The following GPR137B variants were observed in gnomAD, a reference collection of about 807,000 sequenced individuals.
GPR137B encodes the protein G protein-coupled receptor 137B.
A neutral mutation model predicts 42.5 loss-of-function variants in GPR137B; 42 were observed. The observed-to-expected ratio is 0.99, with a 90% confidence interval of 0.77 to 1.28. GPR137B has a LOEUF of 1.28. Among genes scored for constraint, GPR137B ranks in the 50% most tolerant of loss-of-function variants. GPR137B has a pLI of 0.00. For missense variants in GPR137B, 487 were observed against 493.9 expected (o/e 0.99, Z 0.13); for synonymous variants, 218 against 209.7 (o/e 1.04, Z -0.34).
At chr1:236,204,239 G>A (rs1417367411) in intron 5 of GPR137B, among the ~76,000 whole-genome samples, 1 of 152,128 alleles carries the variant, frequency 6.6e-6, no homozygotes, top group Non-Finnish European at 1.5e-5. Flanking sequence ...AGCCATCCTT[G>A]TATCACATGG....
chr1:236,147,179 C>T (rs1006055851), intron 1 of GPR137B, among the ~76,000 whole-genome samples: 2 of 152,220 alleles, frequency 1.3e-5, no homozygotes, highest in South Asian at 4.1e-4. Context: ...AGCCAGGCTT[C>T]GAGCTGCAGG....
Position 236,168,769 on chromosome 1 carries a change from G to A in GPR137B, c.464+14G>A. 1 of 1,573,574 alleles carries A rather than the reference G, an allele frequency of 6.4e-7. No homozygotes were observed. Among genetic ancestry groups the A allele is most frequent in the South Asian group, 1.1e-5 (1 of 90,252 alleles). On this transcript the variant is annotated intron_variant, in intron 2 of 6. Coordinates refer to ENST00000366592, the MANE Select transcript of GPR137B (RefSeq NM_003272.4). ...ACTCAAATACCGGTAAGTACTGCAGGGCATCTCTTTCTGTGGTAGAAGGGG... is the reference window on the plus strand; with the variant it reads ...ACTCAAATACCGGTAAGTACTGCAGAGCATCTCTTTCTGTGGTAGAAGGGG...
chr1:236,149,802 C>T (rs1049164226), intron 1 of GPR137B, among the ~76,000 whole-genome samples: 3 of 152,406 alleles, frequency 2.0e-5, no homozygotes, highest in Admixed American at 2.0e-4. Context: ...GGAGCTAGCT[C>T]AGTGGGCTCA....
At chr1:236,167,300 T>G (rs1662388884) in intron 1 of GPR137B, among the ~76,000 whole-genome samples, 1 of 152,224 alleles carries the variant, frequency 6.6e-6, no homozygotes, top group African/African-American at 2.4e-5. Flanking sequence ...TTAGCAAATT[T>G]CGAGTAAACA....
chr1:236,205,152 T>C lies in GPR137B; in HGVS notation c.993T>C (p.His331=). ...DLTNPGMVPS[H]GFSPRSYFFD... ...CCAACCCTGGAATGGTCCCCAGCCA[T>C]GGATTCAGTCCCAGATCTTATTTCT... Residue 331 remains histidine (H), a synonymous_variant, in exon 6 of 7, where the codon CAT becomes CAC. Coordinates refer to ENST00000366592, the MANE Select transcript of GPR137B (RefSeq NM_003272.4). 3 of 1,613,198 alleles carry C rather than the reference T, an allele frequency of 1.9e-6. No homozygotes were observed. The highest frequency in any genetic ancestry group is 2.7e-5 in the African/African-American group (2 of 75,032).
chr1:236,206,275 T>G (rs1663659586), intron 6 of GPR137B, among the ~76,000 whole-genome samples: 1 of 152,190 alleles, frequency 6.6e-6, no homozygotes, highest in Non-Finnish European at 1.5e-5. Context: ...ATCTAGAGGG[T>G]AGGTAACTTG....
intron 6 of GPR137B, among the ~76,000 whole-genome samples, chr1:236,206,544 G>C (rs1031124041): frequency 2.6e-5 from 4 of 152,176 alleles, no homozygotes; most frequent in African/African-American, 9.7e-5. Flanking sequence ...AGCATACATA[G>C]AGGGTGTAAG....
At chr1:236,203,336 C>T (rs941595151) in intron 5 of GPR137B, among the ~76,000 whole-genome samples, 4 of 152,106 alleles carry the variant, frequency 2.6e-5, no homozygotes, top group Non-Finnish European at 5.9e-5. Flanking sequence ...CTCAGCCTCC[C>T]AAAGTGCTGG....
chr1:236,178,949 C>T (rs1444987551), intron 3 of GPR137B, among the ~76,000 whole-genome samples: 1 of 151,404 alleles, frequency 6.6e-6, no homozygotes, highest in Non-Finnish European at 1.5e-5. Flanking sequence ...AGGCACCCAC[C>T]ACTACGCCTG....
intron 1 of GPR137B, among the ~76,000 whole-genome samples, chr1:236,160,241 G>T (rs570538753): frequency 1.3e-5 from 2 of 152,256 alleles, no homozygotes; most frequent in African/African-American, 4.8e-5. Flanking sequence ...CACAACGGGG[G>T]AAGCCCTGAA....
In GPR137B at chr1:236,150,403, A is replaced by C. The variant is rs1423105801; in HGVS notation, c.414+7367A>C. Among the ~76,000 whole-genome samples the C allele has an allele frequency of 6.6e-6, 1 of 152,098 alleles. No individual in the cohort carries two copies. The highest frequency in any genetic ancestry group is 1.5e-5 in the Non-Finnish European group (1 of 68,014). On this transcript the variant is annotated intron_variant, in intron 1 of 6. Coordinates refer to ENST00000366592, the MANE Select transcript of GPR137B (RefSeq NM_003272.4). The surrounding 1 kb of genome is among the most constrained non-coding windows in gnomAD (Gnocchi z 6.2). ...GCCGTTCACCCCCAGCACCTCCCGC[A>C]GGCCACTTTCTAAACATACAGCCCA...
intron 2 of GPR137B, among the ~76,000 whole-genome samples, chr1:236,172,034 C>T (rs1269942141): frequency 2.0e-5 from 3 of 146,548 alleles, no homozygotes; most frequent in Non-Finnish European, 3.0e-5. Flanking sequence ...AACAAAAACT[C>T]CATCTCAAAA....
chr1:236,195,236 T>G (rs1228499145), intron 5 of GPR137B, among the ~76,000 whole-genome samples: 1 of 146,162 alleles, frequency 6.8e-6, no homozygotes, highest in Admixed American at 6.9e-5. Flanking sequence ...TTTTTTTTTT[T>G]CCCCATTAAC....
At chr1:236,166,082 T>C (rs996369038) in intron 1 of GPR137B, among the ~76,000 whole-genome samples, 1 of 152,234 alleles carries the variant, frequency 6.6e-6, no homozygotes, top group African/African-American at 2.4e-5. Context: ...GATTTTTATA[T>C]TGAACGGGTC....
chr1:236,201,383 T>C (rs1572009866), intron 5 of GPR137B, among the ~76,000 whole-genome samples: 1 of 145,294 alleles, frequency 6.9e-6, no homozygotes, highest in East Asian at 2.1e-4. Flanking sequence ...TTTCCAAACT[T>C]TAGATTTCTC....
intron 1 of GPR137B, among the ~76,000 whole-genome samples, chr1:236,168,212 A>G (rs60190535): frequency 0.038 from 5,734 of 152,176 alleles, 398 homozygotes; most frequent in African/African-American, 0.13. Context: ...AGATCACCTG[A>G]GGTCAGGAGT....
At chr1:236,158,764 A>T (rs1258256801) in intron 1 of GPR137B, among the ~76,000 whole-genome samples, 2 of 152,216 alleles carry the variant, frequency 1.3e-5, no homozygotes, top group Admixed American at 6.5e-5. Flanking sequence ...TAGGGGGATT[A>T]TGAAGTGTCC....
intron 3 of GPR137B, among the ~76,000 whole-genome samples, 165 bp downstream of exon 3, chr1:236,178,801 T>G (rs1274747551): frequency 2.2e-5 from 2 of 92,026 alleles, no homozygotes; most frequent in African/African-American, 7.0e-5. Flanking sequence ...TTTTTTTTTT[T>G]TTTTTTTTTT....
intron 2 of GPR137B, among the ~76,000 whole-genome samples, chr1:236,170,039 C>CA (rs11346365): frequency 0.029 from 1,031 of 36,052 alleles, 17 homozygotes; most frequent in Non-Finnish European, 0.051. Context: ...GAATCCATCT[C>CA]AAAAAAAAAA....
Sources: allele counts gnomAD v4.1 joint callset (sites outside exome capture counted in the v4.1 genomes callset), GRCh38; gene constraint gnomAD v4.1.1; non-coding constraint Gnocchi (gnomAD v3.1); transcripts MANE v1.5; gene names NCBI Gene and HGNC (gene_info 2026-07-23, HGNC 2026-07-21).